HIBADH: variants seen among roughly 807,000 people sequenced by gnomAD.
The protein encoded by HIBADH is 3-hydroxyisobutyrate dehydrogenase, mitochondrial.
A neutral mutation model predicts 36.1 loss-of-function variants in HIBADH; 25 were observed. That is an observed-to-expected ratio of 0.69 (90% CI 0.50 to 0.97). HIBADH has a LOEUF of 0.97. Among genes scored for constraint, HIBADH ranks in the 50% least tolerant of loss-of-function variants. The probability of loss-of-function intolerance (pLI) is 0.00; values close to 1 mark genes in which losing one functional copy is unlikely to be tolerated. For synonymous variants in HIBADH, 160 were observed against 149.5 expected (o/e 1.07, Z -0.51); for missense variants, 421 against 418.0 (o/e 1.01, Z -0.06).
chr7:27,577,355 G>C (rs1784727295), intron 4 of HIBADH, among the ~76,000 whole-genome samples: 1 of 151,908 alleles, frequency 6.6e-6, no homozygotes, highest in South Asian at 2.1e-4. Flanking sequence ...TGGAGATGGG[G>C]TTTCTCCATG....
intron 2 of HIBADH, among the ~76,000 whole-genome samples, chr7:27,646,360 T>G (rs1309857677): frequency 6.6e-6 from 1 of 152,102 alleles, no homozygotes; most frequent in African/African-American, 2.4e-5. Flanking sequence ...GAACCAAAAC[T>G]CCGAAGTCAA....
At chr7:27,591,527 G>A (rs1562634349) in intron 4 of HIBADH, among the ~76,000 whole-genome samples, 1 of 149,936 alleles carries the variant, frequency 6.7e-6, no homozygotes, top group Non-Finnish European at 1.5e-5. Flanking sequence ...CTCCAGCCTG[G>A]GCGACAGAGC....
At chr7:27,569,836 C>T (rs1197642460) in intron 4 of HIBADH, among the ~76,000 whole-genome samples, 1 of 152,118 alleles carries the variant, frequency 6.6e-6, no homozygotes, top group East Asian at 1.9e-4. Flanking sequence ...GGATTCACTT[C>T]CCTTGGATTT....
intron 2 of HIBADH, 130 bp from the exon 3 acceptor site, chr7:27,632,575 AT>A: frequency 4.4e-6 from 2 of 453,194 alleles, no homozygotes; most frequent in South Asian, 3.6e-5. Context: ...TTGTTTGCAA[AT>A]GACCAAAAAA....
chr7:27,559,649 T>C (rs547932408), intron 4 of HIBADH, among the ~76,000 whole-genome samples: 163 of 151,708 alleles, frequency 1.1e-3, no homozygotes, highest in Non-Finnish European at 2.1e-3. Flanking sequence ...AAAACAACAA[T>C]AACAAAAAAA....
At position 27,531,284 on chromosome 7, in the gene HIBADH, T is replaced by C; in HGVS notation, c.760A>G (p.Ser254Gly). 6.2e-7 allele frequency: 1 copy of C among 1,614,058 alleles called. No homozygotes were observed. Among genetic ancestry groups the C allele is most frequent in the Non-Finnish European group, 8.5e-7 (1 of 1,179,944 alleles). ...LNMSSGRCWS[S>G]DTYNPVPGVM... ...CCAGGTACAGGATTATAAGTGTCAC[T>C]TGACCAACACCGTCCTGAGCTCATA... is the stretch of plus-strand genomic sequence containing the variant. The change falls in exon 7 of 8, where the codon AGT (serine) becomes GGT (glycine). Residue 254 changes from serine to glycine, a missense_variant. Transcript: ENST00000265395.
chr7:27,655,570 C>G (rs906161686), intron 1 of HIBADH, among the ~76,000 whole-genome samples: 14 of 151,960 alleles, frequency 9.2e-5, no homozygotes, highest in African/African-American at 3.4e-4. Context: ...ATTAGCATAT[C>G]TATATGGAAA....
intron 4 of HIBADH, among the ~76,000 whole-genome samples, chr7:27,595,873 A>T (rs1481060151): frequency 6.6e-6 from 1 of 152,214 alleles, no homozygotes; most frequent in Non-Finnish European, 1.5e-5. Context: ...AAATGTTCTT[A>T]AAATGCTCAA....
At chr7:27,662,603 G>T in intron 1 of HIBADH, 95 bp downstream of exon 1, 1 of 759,646 alleles carries the variant, frequency 1.3e-6, no homozygotes, top group Non-Finnish European at 1.9e-6. Context: ...CAGCCCAACC[G>T]CAGGGCCTCC....
chr7:27,656,874 T>G (rs1386900791), intron 1 of HIBADH, among the ~76,000 whole-genome samples: 4 of 152,214 alleles, frequency 2.6e-5, no homozygotes, highest in African/African-American at 7.2e-5. Flanking sequence ...AATTACAAAG[T>G]AATGCTGCTG....
At position 27,622,083 on chromosome 7, in the gene HIBADH, A is replaced by T. The variant is rs143743109; in HGVS notation, c.484+7288T>A. Among the ~76,000 whole-genome samples, 572 of 152,204 alleles carry T rather than the reference A, an allele frequency of 3.8e-3. 3 individuals carry two copies. Among genetic ancestry groups the T allele is most frequent in the Non-Finnish European group, 6.4e-3 (432 of 68,004 alleles). On this transcript the variant is annotated intron_variant, in intron 4 of 7. Transcript: ENST00000265395. ...TAGACTGGGAAAACAGTGAGAATCC[A>T]TCTCTACAAAAATTAGACAGGTGTG...
At chr7:27,569,712 G>A (rs1265891963) in intron 4 of HIBADH, among the ~76,000 whole-genome samples, 1 of 151,702 alleles carries the variant, frequency 6.6e-6, no homozygotes, top group Non-Finnish European at 1.5e-5. Context: ...AGAAAGTCTT[G>A]TACTTCCTGC....
intron 4 of HIBADH, among the ~76,000 whole-genome samples, chr7:27,556,671 C>T (rs1054774929): frequency 6.6e-6 from 1 of 152,138 alleles, no homozygotes; most frequent in Non-Finnish European, 1.5e-5. Context: ...TTCATTTCCC[C>T]ACTGATCTGA....
At chr7:27,590,581 T>C (rs1017701284) in intron 4 of HIBADH, among the ~76,000 whole-genome samples, 4 of 152,158 alleles carry the variant, frequency 2.6e-5, no homozygotes, top group African/African-American at 7.2e-5. Flanking sequence ...AGACCTCTAG[T>C]TTGAAGATTT....
intron 4 of HIBADH, among the ~76,000 whole-genome samples, chr7:27,551,104 C>CA (rs1784312347): frequency 6.6e-6 from 1 of 152,006 alleles, no homozygotes; most frequent in Non-Finnish European, 1.5e-5. Context: ...ACAATATATA[C>CA]AATTTTTTTT....
chr7:27,617,156 T>C (rs1721373235), intron 4 of HIBADH, among the ~76,000 whole-genome samples: 1 of 152,168 alleles, frequency 6.6e-6, no homozygotes. Flanking sequence ...AGGTGTGCCA[T>C]TTTTTATCTT....
At chr7:27,567,041 C>CATT (rs1421326595) in intron 4 of HIBADH, among the ~76,000 whole-genome samples, 1 of 152,120 alleles carries the variant, frequency 6.6e-6, no homozygotes, top group Non-Finnish European at 1.5e-5. Flanking sequence ...CAATTAGGTT[C>CATT]ATTTGATTGA....
At chr7:27,577,724 C>G (rs537461915) in intron 4 of HIBADH, among the ~76,000 whole-genome samples, 10 of 152,226 alleles carry the variant, frequency 6.6e-5, no homozygotes, top group Admixed American at 2.0e-4. Flanking sequence ...TCCTCGTTCC[C>G]TAAAGTAGTG....
intron 4 of HIBADH, among the ~76,000 whole-genome samples, chr7:27,582,325 C>A (rs751980173): frequency 5.3e-5 from 8 of 152,066 alleles, no homozygotes; most frequent in Non-Finnish European, 1.0e-4. Context: ...TATTTCATTG[C>A]AGAAATTGTT....
Sources: allele counts gnomAD v4.1 joint callset (sites outside exome capture counted in the v4.1 genomes callset), GRCh38; gene constraint gnomAD v4.1.1; transcripts MANE v1.5; gene names NCBI Gene and HGNC (gene_info 2026-07-23, HGNC 2026-07-21).